Variants in ZNF678 observed in about 807,000 individuals in gnomAD.
ZNF678 encodes the protein zinc finger protein 678, also known as hypothetical protein MGC42493.
A neutral mutation model predicts 3.0 loss-of-function variants in ZNF678; 5 were observed. That is an observed-to-expected ratio of 1.69 (90% CI 0.88 to 3.56). The LOEUF is 3.56. Ranked by LOEUF, ZNF678 falls within the 30% of genes most tolerant of loss-of-function variation. The pLI, the probability that ZNF678 is intolerant of heterozygous loss-of-function variation, is 0.00. For synonymous variants in ZNF678, 218 were observed against 199.6 expected, an observed-to-expected ratio of 1.09 and a Z score of -0.78; for missense variants, 593 against 605.0, an observed-to-expected ratio of 0.98 and a Z score of 0.21.
At chr1:227,651,181 A>G (rs1164076648) in intron 3 of ZNF678, 105 bp downstream of exon 3, 16 of 1,289,806 alleles carry the variant, frequency 1.2e-5, no homozygotes, top group East Asian at 7.1e-5. Context: ...AGGGTCCACA[A>G]TGGGGTCTGT....
chr1:227,617,725 G>GA (rs1160374554), intron 1 of ZNF678, among the ~76,000 whole-genome samples: 1 of 152,190 alleles, frequency 6.6e-6, no homozygotes, highest in East Asian at 1.9e-4. Context: ...GAACATGATT[G>GA]AAAAATTGAT....
intron 1 of ZNF678, among the ~76,000 whole-genome samples, chr1:227,590,817 T>G (rs911711250): frequency 6.6e-6 from 1 of 151,708 alleles, no homozygotes; most frequent in Admixed American, 6.6e-5. Flanking sequence ...CTTTGGAAAT[T>G]TACTCTGTGT....
intron 1 of ZNF678, among the ~76,000 whole-genome samples, chr1:227,565,222 C>T (rs1656644467): frequency 6.6e-6 from 1 of 151,992 alleles, no homozygotes; most frequent in Admixed American, 6.5e-5. Flanking sequence ...TGCGCCACTA[C>T]ACCTGGCTAA....
At chr1:227,664,875 G>T (rs1659475949), downstream of ZNF678, among the ~76,000 whole-genome samples, 1 of 152,036 alleles carries the variant, frequency 6.6e-6, no homozygotes. Flanking sequence ...TCAGCTCCTT[G>T]CCTATACACA....
intron 1 of ZNF678, among the ~76,000 whole-genome samples, chr1:227,623,633 A>T (rs531830091): frequency 1.1e-3 from 169 of 152,282 alleles, no homozygotes; most frequent in Non-Finnish European, 1.9e-3. Flanking sequence ...TCAATATTTT[A>T]TACTAAAATT....
rs192366868 is a variant in ZNF678, at chr1:227,602,181, C to T, written c.-164+38457C>T. ...AAAACAAAAACTTATATAAAGTTTTCTGCTTATCAGTTTGGCAGAGACAGA... is the reference window on the plus strand; with the variant it reads ...AAAACAAAAACTTATATAAAGTTTTTTGCTTATCAGTTTGGCAGAGACAGA... On this transcript the variant is annotated intron_variant, in intron 1 of 3. Transcript: ENST00000343776. Among the ~76,000 whole-genome samples, 16 of 152,244 alleles carry T rather than the reference C, an allele frequency of 1.1e-4. No individual in the cohort carries two copies. In the East Asian group the frequency reaches 3.1e-3, roughly 29 times the overall value.
chr1:227,596,349 G>A (rs938182708), intron 1 of ZNF678, among the ~76,000 whole-genome samples: 58 of 152,330 alleles, frequency 3.8e-4, no homozygotes, highest in Middle Eastern at 3.4e-3. Flanking sequence ...AGGAGCATTG[G>A]CAAGACTCCT....
rs548912382 is a variant in ZNF678, at chr1:227,655,087, C to T, written c.837C>T (p.His279=). Residue 279 remains histidine (H), a synonymous_variant, in exon 4 of 4, where the codon CAC becomes CAT. Transcript: ENST00000343776. The stretch of plus-strand genomic sequence containing the variant: ...GCAACGTTTTTAATGAGTGCTCACA[C>T]CTAACTAGACATAGGAGAATTCATA... ...ECGNVFNECS[H]LTRHRRIHTG... is the part of the protein sequence containing the mutation. The T allele has an allele frequency of 6.2e-7, 1 of 1,609,888 alleles. No homozygotes were observed. The highest frequency in any genetic ancestry group is 1.7e-5 in the Admixed American group (1 of 59,330).
intron 1 of ZNF678, among the ~76,000 whole-genome samples, chr1:227,590,110 C>T (rs1344848417): frequency 8.6e-5 from 13 of 151,810 alleles, no homozygotes; most frequent in Admixed American, 3.3e-4. Context: ...GATCAGTAAG[C>T]AGGTTCCTAT....
intron 1 of ZNF678, among the ~76,000 whole-genome samples, chr1:227,620,803 A>G (rs927680178): frequency 2.6e-5 from 4 of 152,244 alleles, no homozygotes; most frequent in Admixed American, 1.3e-4. Flanking sequence ...AGGTTAATCT[A>G]TAGCTACTTG....
At chr1:227,624,484 A>G (rs1180890397) in intron 1 of ZNF678, among the ~76,000 whole-genome samples, 1 of 152,222 alleles carries the variant, frequency 6.6e-6, no homozygotes, top group Non-Finnish European at 1.5e-5. Context: ...CACTGAAGGC[A>G]TGGCAGAGAG....
chr1:227,628,970 G>T (rs1387780717), intron 1 of ZNF678, among the ~76,000 whole-genome samples: 3 of 152,218 alleles, frequency 2.0e-5, no homozygotes, highest in African/African-American at 7.2e-5. Flanking sequence ...AAACCACTCT[G>T]CTTCCTTTGG....
chr1:227,624,262 G>A (rs1658352322), intron 1 of ZNF678, among the ~76,000 whole-genome samples: 1 of 152,108 alleles, frequency 6.6e-6, no homozygotes, highest in South Asian at 2.1e-4. Flanking sequence ...ATATACAGCT[G>A]GAGGGGCAGA....
chr1:227,646,260 T>C (rs915091421), intron 1 of ZNF678, among the ~76,000 whole-genome samples: 1 of 152,256 alleles, frequency 6.6e-6, no homozygotes. Flanking sequence ...TTATCCTGTG[T>C]AATGTAAATA....
At position 227,675,730 on chromosome 1, in the gene ZNF678, G is replaced by A. The variant is rs147862815; in HGVS notation, c.227-1449G>A. Among the ~76,000 whole-genome samples, 301 of 152,034 alleles carry A rather than the reference G, an allele frequency of 2.0e-3. 3 individuals are homozygous for A. Among genetic ancestry groups the A allele is most frequent in the African/African-American group, 6.9e-3 (285 of 41,468 alleles). ...TCCATATCCTGGGGGGGTGGGGAAA[G>A]GCCCCATAAAAAACACCTATTATGC... On this transcript the variant is annotated intron_variant, in intron 5 of 5. Coordinates refer to the ZNF678 transcript ENST00000608949.
At chr1:227,606,202 A>G (rs1657865247) in intron 1 of ZNF678, among the ~76,000 whole-genome samples, 1 of 152,160 alleles carries the variant, frequency 6.6e-6, no homozygotes, top group African/African-American at 2.4e-5. Flanking sequence ...GTATTTATTG[A>G]TTACCATTTT....
chr1:227,634,912 A>G (rs957086140), intron 1 of ZNF678, among the ~76,000 whole-genome samples: 1 of 152,120 alleles, frequency 6.6e-6, no homozygotes. Context: ...GACTTTGGGT[A>G]AGACTCAGTG....
rs1056121348 is a variant in ZNF678 at position 227,591,070 on chromosome 1, G to A, written c.-164+27346G>A. ...ACATGAAGTGACATTGAGAGACTGC[G>A]CTACATGCTCGGCTAATTGCAAAAA... On this transcript the variant is annotated intron_variant, in intron 1 of 3. Coordinates refer to ENST00000343776, the MANE Select transcript of ZNF678 (RefSeq NM_001367909.1). Among the ~76,000 whole-genome samples, 6 of 151,716 alleles carry A rather than the reference G, an allele frequency of 4.0e-5. No homozygotes were observed. In the South Asian group the frequency reaches 6.2e-4, roughly 16 times the overall value.
At chr1:227,566,819 T>C (rs913379220) in intron 1 of ZNF678, among the ~76,000 whole-genome samples, 2 of 152,240 alleles carry the variant, frequency 1.3e-5, no homozygotes, top group Non-Finnish European at 2.9e-5. Flanking sequence ...TTTACCTTTT[T>C]CTTCATCAGA....
Sources: gnomAD v4.1 joint callset for allele counts (sites outside exome capture counted in the v4.1 genomes callset) on GRCh38, gnomAD v4.1.1 for gene constraint, MANE v1.5 for transcripts, NCBI Gene and HGNC (gene_info 2026-07-23, HGNC 2026-07-21) for gene names.